The following IBTK variants were observed in gnomAD, a reference collection of about 807,000 sequenced individuals.
The protein encoded by IBTK is inhibitor of Bruton tyrosine kinase, also known as BTK-binding protein.
IBTK carries 83 observed loss-of-function variants against 154.9 expected under a neutral mutation model. The observed-to-expected ratio is 0.54, with a 90% confidence interval of 0.45 to 0.64. The LOEUF (loss-of-function observed/expected upper bound fraction) is 0.64. Among genes scored for constraint, IBTK ranks in the 30% least tolerant of loss-of-function variants. IBTK has a pLI of 0.00. For synonymous variants in IBTK, 515 were observed against 536.1 expected (o/e 0.96, Z 0.54); for missense variants, 1,332 against 1,584.6 (o/e 0.84, Z 2.71).
At chr6:82,173,167 A>C in intron 27 of IBTK, 200 bp downstream of exon 27, 1 of 393,788 alleles carries the variant, frequency 2.5e-6, no homozygotes. Context: ...ATGCCCAGCT[A>C]AGTTTTGTAT....
intron 9 of IBTK, among the ~76,000 whole-genome samples, chr6:82,219,583 CT>C (rs1202359880): frequency 1.4e-5 from 2 of 147,986 alleles, no homozygotes; most frequent in Non-Finnish European, 3.0e-5. Context: ...CCTCCCACCC[CT>C]CAAAAACAAT....
In IBTK at chr6:82,173,374, T is replaced by G. The variant is rs776626285; in HGVS notation, c.3790A>C (p.Ser1264Arg). 2.5e-6 allele frequency: 4 copies of G among 1,611,194 alleles called. No individual in the cohort carries two copies. In the African/African-American group the frequency reaches 5.3e-5, roughly 22 times the overall value. The change falls in exon 27 of 29, where the codon AGT becomes CGT. Residue 1264 changes from serine to arginine, a missense_variant. Around this residue, in one of 3 missense-constraint regions of IBTK, gnomAD observed 1,134 missense variants for 1,274.7 expected, o/e 0.89. Transcript: ENST00000306270. ...NHISDLPLLDSPNPWLSSSVT... is the reference protein window; with the variant it reads ...NHISDLPLLDRPNPWLSSSVT... Reference sequence around the variant, plus strand: ...CTTATCAATTAACCTTACTTGGGACTGTCTAGAAGTGGTAAATCTGAAATA... The same window carrying G: ...CTTATCAATTAACCTTACTTGGGACGGTCTAGAAGTGGTAAATCTGAAATA...
chr6:82,243,428 TTA>T (rs926475281), intron 1 of IBTK, among the ~76,000 whole-genome samples: 7 of 152,124 alleles, frequency 4.6e-5, no homozygotes, highest in African/African-American at 1.7e-4. Flanking sequence ...AATAAACAAT[TTA>T]TGTTTTAAAT....
intron 17 of IBTK, among the ~76,000 whole-genome samples, chr6:82,203,454 T>C (rs891699444): frequency 3.3e-5 from 5 of 152,324 alleles, no homozygotes; most frequent in Admixed American, 3.3e-4. Context: ...CCTGTGATTC[T>C]ATCAAAAGTT....
intron 28 of IBTK, among the ~76,000 whole-genome samples, chr6:82,172,075 G>A (rs1351898517): frequency 3.3e-5 from 5 of 152,066 alleles, no homozygotes; most frequent in Non-Finnish European, 7.4e-5. Context: ...CAGAAGCCAA[G>A]TGCAGCACTA....
intron 2 of IBTK, among the ~76,000 whole-genome samples, chr6:82,239,678 T>C (rs1371255139): frequency 6.6e-6 from 1 of 151,974 alleles, no homozygotes; most frequent in Admixed American, 6.6e-5. Flanking sequence ...GTCTTTCCAC[T>C]CTAACCAATT....
chr6:82,228,483 T>C (rs969312301), intron 4 of IBTK, among the ~76,000 whole-genome samples: 20 of 152,232 alleles, frequency 1.3e-4, no homozygotes, highest in African/African-American at 4.8e-4. Context: ...GTGAAATTCA[T>C]TTTATGAAAT....
At chr6:82,226,250 ATAT>A (rs1233240903) in intron 5 of IBTK, among the ~76,000 whole-genome samples, 2 of 141,482 alleles carry the variant, frequency 1.4e-5, no homozygotes, top group Admixed American at 7.2e-5. Context: ...GCTTAAGGTA[ATAT>A]TATATATGAA....
intron 25 of IBTK, among the ~76,000 whole-genome samples, chr6:82,186,201 A>G (rs1239584965): frequency 6.6e-6 from 1 of 152,128 alleles, no homozygotes; most frequent in Non-Finnish European, 1.5e-5. Context: ...AGGCCTCCCT[A>G]TTTCCTAAGA....
intron 7 of IBTK, 68 bp downstream of exon 7, chr6:82,224,000 A>G: frequency 1.1e-6 from 1 of 902,676 alleles, no homozygotes; most frequent in Non-Finnish European, 1.8e-6. Flanking sequence ...AATAAAAATT[A>G]AAAAGAAAAG....
chr6:82,224,541 T>G lies in IBTK; in HGVS notation c.826-356A>C, dbSNP rs1770223046. Reference sequence around the variant, plus strand: ...AACACAGTGCTTCTAAATTAGATATTTCCATGGTCTCTCAATAGTGGCATT... The same window carrying G: ...AACACAGTGCTTCTAAATTAGATATGTCCATGGTCTCTCAATAGTGGCATT... On this transcript the variant is annotated intron_variant, in intron 6 of 28. Coordinates refer to ENST00000306270, the MANE Select transcript of IBTK (RefSeq NM_015525.4). 3.3e-5 allele frequency among the ~76,000 whole-genome samples: 5 copies of G among 152,260 alleles called. No individual in the cohort carries two copies. The South Asian group carries it at 1.0e-3, about 32-fold the overall frequency.
At chr6:82,200,365 T>A in intron 20 of IBTK, 112 bp from the exon 21 acceptor site, 4 of 814,012 alleles carry the variant, frequency 4.9e-6, no homozygotes, top group South Asian at 1.7e-5. Flanking sequence ...ATATTTACAC[T>A]TTCAATGTGT....
At chr6:82,224,341 T>C (rs1184730082) in intron 6 of IBTK, among the ~76,000 whole-genome samples, 156 bp from the exon 7 acceptor site, 1 of 152,226 alleles carries the variant, frequency 6.6e-6, no homozygotes, top group Non-Finnish European at 1.5e-5. Flanking sequence ...TCAGCACTCA[T>C]ACTAAGACCT....
intron 16 of IBTK, among the ~76,000 whole-genome samples, chr6:82,206,250 G>A (rs762270487): frequency 9.1e-4 from 138 of 152,114 alleles, no homozygotes; most frequent in Non-Finnish European, 1.9e-3. Flanking sequence ...GTAGCCACAG[G>A]AGACAGAACA....
At chr6:82,231,290 A>ATTATTTTATTTTATTTTATTTTATT (rs1562103858) in intron 4 of IBTK, among the ~76,000 whole-genome samples, 3 of 149,942 alleles carry the variant, frequency 2.0e-5, no homozygotes, top group Non-Finnish European at 3.0e-5. Context: ...CTAAATTGAA[A>ATTATTTTATTTTATTTTATTTTATT]TTATTTTATT....
chr6:82,204,367 A>G (rs1046780810), intron 17 of IBTK, among the ~76,000 whole-genome samples: 2 of 152,198 alleles, frequency 1.3e-5, no homozygotes, highest in Non-Finnish European at 2.9e-5. Context: ...TACAGTGTTC[A>G]GGAGGATAGC....
chr6:82,218,923 A>T (rs550735831), intron 9 of IBTK, among the ~76,000 whole-genome samples: 31 of 152,336 alleles, frequency 2.0e-4, no homozygotes, highest in African/African-American at 7.2e-4. Flanking sequence ...ATTGAGACTG[A>T]CTGATGCTTT....
At chr6:82,244,379 C>T (rs1425534397) in intron 1 of IBTK, among the ~76,000 whole-genome samples, 2 of 152,166 alleles carry the variant, frequency 1.3e-5, no homozygotes, top group South Asian at 4.1e-4. Flanking sequence ...TCTTACTTGC[C>T]TTCCCTGCTT....
chr6:82,181,689 T>C (rs1197516103), intron 26 of IBTK, among the ~76,000 whole-genome samples, 190 bp downstream of exon 26: 1 of 152,212 alleles, frequency 6.6e-6, no homozygotes, highest in East Asian at 1.9e-4. Context: ...TTTAAGTCAA[T>C]TATATCTCCG....
Sources: allele counts gnomAD v4.1 joint callset (sites outside exome capture counted in the v4.1 genomes callset), GRCh38; gene constraint gnomAD v4.1.1; regional missense constraint gnomAD v4.1.1; transcripts MANE v1.5; gene names NCBI Gene and HGNC (gene_info 2026-07-23, HGNC 2026-07-21).